The following ACOT8 variants were observed in gnomAD, a reference collection of about 807,000 sequenced individuals.
The protein encoded by ACOT8 is acyl-coenzyme A thioesterase 8.
ACOT8 carries 31 observed loss-of-function variants against 38.4 expected under a neutral mutation model. That is an observed-to-expected ratio of 0.81 (90% CI 0.61 to 1.09). ACOT8 has a LOEUF of 1.09. Ranked by LOEUF, ACOT8 falls within the 50% of genes least tolerant of loss-of-function variation. ACOT8 has a pLI of 0.00. For missense variants in ACOT8, 373 were observed against 421.8 expected, an observed-to-expected ratio of 0.88 and a Z score of 1.01; for synonymous variants, 158 against 170.3, an observed-to-expected ratio of 0.93 and a Z score of 0.56.
chr20:45,857,095 T>G, intron 1 of ACOT8, 93 bp downstream of exon 1: 1 of 1,465,338 alleles, frequency 6.8e-7, no homozygotes, highest in Non-Finnish European at 9.3e-7. Flanking sequence ...CGCAGAGCCA[T>G]ACTAGTCCCG....
intron 5 of ACOT8, chr20:45,842,549 T>G (rs1984299921): frequency 1.0e-6 from 1 of 1,001,356 alleles, no homozygotes; most frequent in Admixed American, 5.4e-5. Flanking sequence ...CCATGAGGTC[T>G]GGCCTCTTCC....
chr20:45,842,374 C>T (rs1352986877), intron 5 of ACOT8: 12 of 1,297,330 alleles, frequency 9.2e-6, no homozygotes, highest in Non-Finnish European at 2.0e-6. Context: ...TCTCCTTCAA[C>T]AGCTCGGCCA....
At chr20:45,843,383 A>G (rs1984403114) in intron 5 of ACOT8, 144 bp downstream of exon 5, 1 of 1,085,602 alleles carries the variant, frequency 9.2e-7, no homozygotes, top group African/African-American at 1.5e-5. Flanking sequence ...CATTTTGAAG[A>G]TGAAGATGCC....
intron 2 of ACOT8, chr20:45,854,020 G>A: frequency 2.4e-6 from 3 of 1,250,060 alleles, no homozygotes; most frequent in Non-Finnish European, 3.1e-6. Flanking sequence ...AACAGTGAGG[G>A]TTTTTTTTGT....
At position 45,848,594 on chromosome 20, in the gene ACOT8, ACGGCCTTCACAGAG is replaced by A; in HGVS notation, c.330_343del (p.Ser111AlafsTer38). On this transcript the variant is annotated frameshift_variant, in exon 3 of 6. Coordinates refer to ENST00000217455, the MANE Select transcript of ACOT8 (RefSeq NM_005469.4). LOFTEE classifies it high-confidence loss of function. ...GATGAAGATGGGCTTCCCATGTTGC[ACGGCCTTCACAGAG>A]CGCACCGAGAAGCTCGACCCTGTTC... 1 of 1,613,806 alleles carries A rather than the reference ACGGCCTTCACAGAG, an allele frequency of 6.2e-7. No individual in the cohort carries two copies. Among genetic ancestry groups the A allele is most frequent in the Non-Finnish European group, 8.5e-7 (1 of 1,179,938 alleles).
chr20:45,845,136 T>G (rs1005856811), intron 3 of ACOT8, among the ~76,000 whole-genome samples: 1 of 152,172 alleles, frequency 6.6e-6, no homozygotes, highest in Non-Finnish European at 1.5e-5. Context: ...TCACCCAGGC[T>G]TGAGTGCGGT....
In ACOT8 at chr20:45,852,348, T is replaced by G. The variant is rs552886938; in HGVS notation, c.262+2811A>C. Among the ~76,000 whole-genome samples the G allele has an allele frequency of 1.4e-3, 160 of 113,184 alleles. 1 individual carries two copies. Among genetic ancestry groups the G allele is most frequent in the African/African-American group, 7.1e-3 (131 of 18,492 alleles). The allele number at this position is 113,184 out of a possible 152,430, so 74.3% of individuals were successfully genotyped here. A position where few individuals can be genotyped will look rare whatever the true frequency, so the allele number is the denominator to read the frequency against. The stretch of plus-strand genomic sequence containing the variant: ...ACACCTGGCTAATTTTTGTGTGTGT[T>G]TTTTTTTTTTAGTAGAGATGGAGTT... On this transcript the variant is annotated intron_variant, in intron 2 of 5. Coordinates refer to ENST00000217455, the MANE Select transcript of ACOT8 (RefSeq NM_005469.4).
chr20:45,842,380 G>C, intron 5 of ACOT8: 2 of 1,284,080 alleles, frequency 1.6e-6, no homozygotes, highest in East Asian at 3.4e-5. Flanking sequence ...TCAACAGCTC[G>C]GCCAAGCAGA....
intron 3 of ACOT8, 129 bp from the exon 4 acceptor site, chr20:45,844,549 G>A (rs1984535655): frequency 9.0e-7 from 1 of 1,105,374 alleles, no homozygotes; most frequent in African/African-American, 1.6e-5. Flanking sequence ...CCTCCCCTGT[G>A]GCAGGCAGGA....
Position 45,857,273 on chromosome 20 carries a change from C to A in ACOT8, c.43G>T (p.Asp15Tyr), listed in dbSNP as rs552482484. Reference protein sequence around the residue: ...QAPEDGQGCGDRGDPPGDLRS... With the variant: ...QAPEDGQGCGYRGDPPGDLRS... ...AGGTCCCCAGGGGGATCGCCGCGGT[C>A]GCCACAGCCCTGCCCATCTTCTGGG... Residue 15 changes from aspartate (D) to tyrosine (Y), a missense_variant, in exon 1 of 6, where the codon GAC (aspartate) becomes TAC (tyrosine). Transcript: ENST00000217455. 2.7e-5 allele frequency: 44 copies of A among 1,612,436 alleles called. 1 individual carries two copies. In the South Asian group the frequency reaches 4.6e-4, roughly 17 times the overall value.
chr20:45,844,698 A>C (rs931931478), intron 3 of ACOT8, among the ~76,000 whole-genome samples: 2 of 152,246 alleles, frequency 1.3e-5, no homozygotes, highest in African/African-American at 4.8e-5. Flanking sequence ...TGTGAAGACA[A>C]GATCATGAAT....
intron 2 of ACOT8, among the ~76,000 whole-genome samples, chr20:45,851,197 G>C (rs1189016096): frequency 6.6e-6 from 1 of 152,156 alleles, no homozygotes. Context: ...TCAGCTCTCT[G>C]TTATCAGGCA....
intron 3 of ACOT8, among the ~76,000 whole-genome samples, chr20:45,848,248 C>T (rs1338042991): frequency 2.6e-5 from 4 of 152,170 alleles, no homozygotes; most frequent in Non-Finnish European, 1.5e-5. Context: ...TACAGACACA[C>T]ACCAGAAACA....
At chr20:45,856,654 TGGGCA>T (rs1426051851) in intron 1 of ACOT8, among the ~76,000 whole-genome samples, 1 of 152,170 alleles carries the variant, frequency 6.6e-6, no homozygotes, top group African/African-American at 2.4e-5. Context: ...CACTCCAGCC[TGGGCA>T]ACAGAGCAAG....
chr20:45,850,403 T>C (rs1466291193), intron 2 of ACOT8, among the ~76,000 whole-genome samples: 1 of 152,242 alleles, frequency 6.6e-6, no homozygotes, highest in African/African-American at 2.4e-5. Flanking sequence ...TGGTCATTAT[T>C]TGGCTTGCTG....
chr20:45,851,505 T>C (rs905838285), intron 2 of ACOT8, among the ~76,000 whole-genome samples: 1 of 152,160 alleles, frequency 6.6e-6, no homozygotes, highest in Admixed American at 6.5e-5. Flanking sequence ...TTCTTGAAAA[T>C]TGTTATTGGA....
chr20:45,848,786 C>T, intron 2 of ACOT8, 111 bp from the exon 3 acceptor site: 1 of 990,316 alleles, frequency 1.0e-6, no homozygotes, highest in Non-Finnish European at 1.5e-6. Context: ...TGACTACTAA[C>T]TGAGGTCTGC....
intron 1 of ACOT8, among the ~76,000 whole-genome samples, chr20:45,856,968 A>G (rs927871660): frequency 6.6e-6 from 1 of 152,140 alleles, no homozygotes; most frequent in African/African-American, 2.4e-5. Flanking sequence ...GGTCACCACT[A>G]TATTTGCTCA....
rs374873300 is a variant in ACOT8, at chr20:45,857,304, C to G, written c.12G>C (p.Pro4=). The G allele has an allele frequency of 1.9e-6, 3 of 1,605,646 alleles. No homozygotes were observed. The highest frequency in any genetic ancestry group is 1.7e-6 in the Non-Finnish European group (2 of 1,176,652). Reference sequence around the variant, plus strand: ...AGCCCTGCCCATCTTCTGGGGCCTGCGGGGACGACATCTAGTTCAATGCTG... The same window carrying G: ...AGCCCTGCCCATCTTCTGGGGCCTGGGGGGACGACATCTAGTTCAATGCTG... The part of the protein sequence containing the change: MSS[P]QAPEDGQGCG... The change falls in exon 1 of 6, where the codon CCG becomes CCC. Residue 4 remains proline, a synonymous_variant. Transcript: ENST00000217455.
Sources: allele counts gnomAD v4.1 joint callset (sites outside exome capture counted in the v4.1 genomes callset), GRCh38; gene constraint gnomAD v4.1.1; transcripts MANE v1.5; gene names NCBI Gene and HGNC (gene_info 2026-07-23, HGNC 2026-07-21).